Variants in CENPP observed in about 807,000 individuals in gnomAD.
The protein encoded by CENPP is centromere protein P.
A neutral mutation model predicts 35.6 loss-of-function variants in CENPP; 24 were observed. The observed-to-expected ratio is 0.67, with a 90% CI of 0.49 to 0.95. The LOEUF (loss-of-function observed/expected upper bound fraction) is 0.95. CENPP is among the 40% of genes least tolerant of loss of function. CENPP has a pLI of 0.00. For missense variants in CENPP, 332 were observed against 345.3 expected (o/e 0.96, Z 0.31); for synonymous variants, 120 against 125.5 (o/e 0.96, Z 0.29).
chr9:92,393,133 C>T (rs568857326), intron 5 of CENPP: 5 of 1,613,728 alleles, frequency 3.1e-6, no homozygotes, highest in Non-Finnish European at 2.5e-6. Context: ...TTTGTTGAAT[C>T]GTGCGTAAAG....
chr9:92,606,443 A>G (rs1851082961), intron 5 of CENPP, among the ~76,000 whole-genome samples: 1 of 152,192 alleles, frequency 6.6e-6, no homozygotes, highest in African/African-American at 2.4e-5. Flanking sequence ...GGAATTATAA[A>G]AACAGTGCAG....
At chr9:92,536,156 T>C in intron 5 of CENPP, 1 of 382,922 alleles carries the variant, frequency 2.6e-6, no homozygotes, top group Non-Finnish European at 4.9e-6. Context: ...CCAGGGAAAA[T>C]GGTTACCAAG....
At chr9:92,337,746 C>G in intron 3 of CENPP, 117 bp downstream of exon 3, 2 of 731,392 alleles carry the variant, frequency 2.7e-6, no homozygotes, top group South Asian at 3.1e-5. Context: ...CCAGGGCCCC[C>G]CCATTCATAG....
chr9:92,421,783 G>T (rs1843803875), intron 5 of CENPP, among the ~76,000 whole-genome samples: 1 of 152,180 alleles, frequency 6.6e-6, no homozygotes. Flanking sequence ...AGAGCAAACA[G>T]CTTAGTGGAG....
intron 5 of CENPP, among the ~76,000 whole-genome samples, chr9:92,555,582 G>T (rs1849707701): frequency 6.6e-6 from 1 of 152,018 alleles, no homozygotes; most frequent in Admixed American, 6.6e-5. Flanking sequence ...GTCTGTTCAG[G>T]TTATCTAATT....
chr9:92,506,222 C>T (rs1003470649), intron 5 of CENPP, among the ~76,000 whole-genome samples: 3 of 152,214 alleles, frequency 2.0e-5, no homozygotes, highest in African/African-American at 7.2e-5. Context: ...CACCCTCAGT[C>T]TCTGAACAAG....
chr9:92,430,428 T>G (rs1844076924), intron 5 of CENPP, among the ~76,000 whole-genome samples: 1 of 136,404 alleles, frequency 7.3e-6, no homozygotes, highest in Non-Finnish European at 1.6e-5. Flanking sequence ...CTTCTCTCTC[T>G]TTTTTTTTTT....
At chr9:92,362,027 A>G (rs1321039029) in intron 4 of CENPP, among the ~76,000 whole-genome samples, 4 of 152,128 alleles carry the variant, frequency 2.6e-5, no homozygotes, top group Non-Finnish European at 4.4e-5. Flanking sequence ...ACTCCATCAT[A>G]AAATAAAATA....
chr9:92,466,501 C>T (rs371768627), intron 5 of CENPP: 72 of 1,613,758 alleles, frequency 4.5e-5, no homozygotes, highest in Non-Finnish European at 5.9e-5. Flanking sequence ...ATACAGCCTT[C>T]GCAACTTCTT....
intron 5 of CENPP, among the ~76,000 whole-genome samples, chr9:92,588,214 G>T (rs1179456213): frequency 6.6e-6 from 1 of 151,928 alleles, no homozygotes; most frequent in African/African-American, 2.4e-5. Flanking sequence ...TTTAAAGAGA[G>T]AAAGAACAGC....
chr9:92,538,076 TTCACC>T (rs2131304324), intron 5 of CENPP, among the ~76,000 whole-genome samples: 1 of 152,270 alleles, frequency 6.6e-6, no homozygotes, highest in South Asian at 2.1e-4. Flanking sequence ...GTCCTACCAT[TTCACC>T]TCTAGGAACC....
Position 92,619,376 on chromosome 9 carries a change from C to T in CENPP, c.*6227C>T, listed in dbSNP as rs555532095. 2.4e-5 allele frequency: 20 copies of T among 844,410 alleles called. No individual in the cohort carries two copies. Among genetic ancestry groups the T allele is most frequent in the East Asian group, 8.1e-5 (3 of 37,196 alleles). 52.3% of individuals were successfully genotyped at this position (844,410 alleles called of 1,614,324 possible). ...ATAGGCCAAGGAAGTTATGTCACTCCGCCATGGAGTCTCTAAATATGGGGA... is the reference window on the plus strand; with the variant it reads ...ATAGGCCAAGGAAGTTATGTCACTCTGCCATGGAGTCTCTAAATATGGGGA... On this transcript the variant is annotated 3_prime_UTR_variant, in exon 8 of 8. Coordinates refer to ENST00000375587, the MANE Select transcript of CENPP (RefSeq NM_001012267.3).
chr9:92,415,322 G>A (rs760850750), intron 5 of CENPP: 24 of 1,613,402 alleles, frequency 1.5e-5, no homozygotes, highest in African/African-American at 2.7e-5. Context: ...TTAGTGCTTC[G>A]TTGTTCACCA....
intron 5 of CENPP, among the ~76,000 whole-genome samples, chr9:92,586,149 G>T (rs1437309416): frequency 1.3e-5 from 2 of 152,160 alleles, no homozygotes; most frequent in Non-Finnish European, 2.9e-5. Context: ...GGTTTCAGAC[G>T]ATTCTCCTGC....
At chr9:92,480,406 A>G (rs1425296445) in intron 5 of CENPP, among the ~76,000 whole-genome samples, 1 of 152,168 alleles carries the variant, frequency 6.6e-6, no homozygotes, top group African/African-American at 2.4e-5. Context: ...TGGCTTCCTC[A>G]CTGCTTGTTG....
At chr9:92,612,910 G>A in intron 7 of CENPP, 109 bp from the exon 8 acceptor site, 1 of 1,304,290 alleles carries the variant, frequency 7.7e-7, no homozygotes, top group Non-Finnish European at 1.1e-6. Context: ...ATCCCATGCA[G>A]CTAGTCGGGA....
At chr9:92,396,633 G>T (rs1276085422) in intron 5 of CENPP, among the ~76,000 whole-genome samples, 1 of 151,256 alleles carries the variant, frequency 6.6e-6, no homozygotes, top group African/African-American at 2.4e-5. Flanking sequence ...GCATGATCAT[G>T]GTTCACTGCA....
At position 92,482,713 on chromosome 9, in the gene CENPP, TAA is replaced by T. The variant is rs1399039026; in HGVS notation, c.564+102855_564+102856del. 2.0e-5 allele frequency among the ~76,000 whole-genome samples: 3 copies of T among 152,246 alleles called. No individual in the cohort carries two copies. The East Asian group carries it at 5.8e-4, about 29-fold the overall frequency. On this transcript the variant is annotated intron_variant, in intron 5 of 7. Transcript: ENST00000375587. ...CCTAGTTTTAAAAATATTAGATTCT[TAA>T]GTGAATGAATATTTGTAAATTACAA...
intron 5 of CENPP, among the ~76,000 whole-genome samples, chr9:92,463,421 CT>C (rs1410948465): frequency 6.6e-6 from 1 of 152,164 alleles, no homozygotes; most frequent in Non-Finnish European, 1.5e-5. Context: ...CTAAAGATTC[CT>C]TTTGGCTTTG....
Sources: gnomAD v4.1 joint callset for allele counts (sites outside exome capture counted in the v4.1 genomes callset) on GRCh38, gnomAD v4.1.1 for gene constraint, MANE v1.5 for transcripts, NCBI Gene and HGNC (gene_info 2026-07-23, HGNC 2026-07-21) for gene names.